DCBLD2: variants seen among roughly 807,000 people sequenced by gnomAD.
DCBLD2 encodes discoidin, CUB and LCCL domain containing 2.
DCBLD2 carries 54 observed loss-of-function variants against 86.8 expected under a neutral mutation model. The ratio of observed to expected loss-of-function variants is 0.62; its 90% CI spans 0.50 to 0.78. The LOEUF is 0.78. Among genes scored for constraint, DCBLD2 ranks in the 30% least tolerant of loss-of-function variants. The pLI is 0.00. For synonymous variants in DCBLD2, 354 were observed against 341.3 expected, an observed-to-expected ratio of 1.04 and a Z score of -0.41; for missense variants, 908 against 954.2, an observed-to-expected ratio of 0.95 and a Z score of 0.64.
At chr3:98,901,084 G>A in intron 1 of DCBLD2, 38 bp downstream of exon 1, 3 of 1,537,304 alleles carry the variant, frequency 2.0e-6, no homozygotes, top group Non-Finnish European at 2.6e-6. Flanking sequence ...AGCCCCGACG[G>A]AGGTTCCCCC....
intron 2 of DCBLD2, among the ~76,000 whole-genome samples, chr3:98,853,091 C>T (rs1942870185): frequency 6.6e-6 from 1 of 152,138 alleles, no homozygotes; most frequent in South Asian, 2.1e-4. Flanking sequence ...CAGAATACAA[C>T]CAGGAATTTA....
intron 12 of DCBLD2, among the ~76,000 whole-genome samples, chr3:98,809,727 C>T (rs1001250238): frequency 2.6e-5 from 4 of 152,136 alleles, no homozygotes; most frequent in East Asian, 1.9e-4. Context: ...GCTGGTGCCA[C>T]GGGCCCCACT....
chr3:98,869,526 T>C (rs1943220547), intron 2 of DCBLD2, among the ~76,000 whole-genome samples: 1 of 152,202 alleles, frequency 6.6e-6, no homozygotes, highest in Non-Finnish European at 1.5e-5. Flanking sequence ...ATCCAGAATT[T>C]TTCCTAGGGC....
At chr3:98,822,464 T>C in intron 5 of DCBLD2, 103 bp from the exon 6 acceptor site, 1 of 1,385,420 alleles carries the variant, frequency 7.2e-7, no homozygotes, top group Non-Finnish European at 9.7e-7. Flanking sequence ...GGCAGTTTCT[T>C]CATAAACTTC....
chr3:98,822,698 A>T lies in DCBLD2; in HGVS notation c.667T>A (p.Ser223Thr). 1 of 1,597,046 alleles carries T rather than the reference A, an allele frequency of 6.3e-7. No homozygotes were observed. The highest frequency in any genetic ancestry group is 1.7e-5 in the Admixed American group (1 of 57,658). Residue 223 changes from serine to threonine, a missense_variant, in exon 5 of 16, where the codon TCT (serine) becomes ACT (threonine). Transcript: ENST00000326840. ...AGCLLPFAEI[S>T]GTIPHGYRDS... ...CTATATCCATGAGGAATTGTTCCAG[A>T]TATCTCAGCAAAAGGAAGCAGACAA... is the stretch of plus-strand genomic sequence containing the variant.
intron 9 of DCBLD2, chr3:98,814,676 C>G (rs1941991012): frequency 2.0e-5 from 3 of 152,164 alleles, no homozygotes; most frequent in African/African-American, 7.2e-5. Flanking sequence ...TGCACATGTG[C>G]AGGCTCAGAA....
intron 2 of DCBLD2, among the ~76,000 whole-genome samples, chr3:98,862,866 G>T: frequency 6.6e-6 from 1 of 152,140 alleles, no homozygotes; most frequent in Non-Finnish European, 1.5e-5. Context: ...GGAAGTTCTG[G>T]CCAGGGCAAT....
intron 1 of DCBLD2, chr3:98,895,511 T>A (rs182844981): frequency 1.3e-5 from 2 of 152,334 alleles, no homozygotes; most frequent in East Asian, 3.9e-4. Context: ...TATAATCTTA[T>A]GATCTTACTC....
Position 98,901,404 on chromosome 3 carries a change from G to A in DCBLD2, c.-78C>T. The A allele has an allele frequency of 8.0e-7, 1 of 1,244,516 alleles. No homozygotes were observed. The highest frequency in any genetic ancestry group is 1.0e-6 in the Non-Finnish European group (1 of 995,086). 77.1% of individuals were successfully genotyped at this position (1,244,516 alleles called of 1,614,324 possible). A position where few individuals can be genotyped will look rare whatever the true frequency, so the allele number is the denominator to read the frequency against. On this transcript the variant is annotated 5_prime_UTR_variant, in exon 1 of 16. Transcript: ENST00000326840. ...CGCCTCTGGCCGCGGCACCCGACCAGGAGACGGCGGCAGCGGCGGGAGAAC... is the reference window on the plus strand; with the variant it reads ...CGCCTCTGGCCGCGGCACCCGACCAAGAGACGGCGGCAGCGGCGGGAGAAC...
chr3:98,816,433 T>C (rs1306515980), intron 9 of DCBLD2: 2 of 152,174 alleles, frequency 1.3e-5, no homozygotes, highest in Non-Finnish European at 2.9e-5. Flanking sequence ...GCAAAATAAA[T>C]GTGATACAAA....
Position 98,822,501 on chromosome 3 carries a change from G to A in DCBLD2, c.697-140C>T. 12 of 1,284,708 alleles carry A rather than the reference G, an allele frequency of 9.3e-6. No homozygotes were observed. In the South Asian group the frequency reaches 1.3e-4, roughly 14 times the overall value. 79.6% of individuals were successfully genotyped at this position (1,284,708 alleles called of 1,614,324 possible). A position where few individuals can be genotyped will look rare whatever the true frequency, so the allele number is the denominator to read the frequency against. ...TAAACAAAAATAGATTATTGGTACT[G>A]TAACACAACAGTTTTAGCAGAAGAA... On this transcript the variant is annotated intron_variant, in intron 5 of 15. Coordinates refer to ENST00000326840, the MANE Select transcript of DCBLD2 (RefSeq NM_080927.4).
intron 12 of DCBLD2, among the ~76,000 whole-genome samples, chr3:98,809,210 T>C (rs1941890687): frequency 6.6e-6 from 1 of 152,122 alleles, no homozygotes; most frequent in Non-Finnish European, 1.5e-5. Context: ...CTAAGGTCAC[T>C]TGGGATATTA....
intron 3 of DCBLD2, among the ~76,000 whole-genome samples, chr3:98,833,269 T>C (rs961152729): frequency 3.9e-5 from 6 of 152,232 alleles, no homozygotes; most frequent in African/African-American, 7.2e-5. Flanking sequence ...AGTGTGTTTT[T>C]CAGCTCTATC....
At chr3:98,878,287 A>G (rs1943404208) in intron 2 of DCBLD2, among the ~76,000 whole-genome samples, 2 of 152,192 alleles carry the variant, frequency 1.3e-5, no homozygotes, top group Admixed American at 1.3e-4. Context: ...ATGTGCCATG[A>G]TATGATACAC....
In DCBLD2 at chr3:98,797,538, C is replaced by T. The variant is rs1410798813; in HGVS notation, c.*1834G>A. On this transcript the variant is annotated 3_prime_UTR_variant, in exon 16 of 16. Coordinates refer to ENST00000326840, the MANE Select transcript of DCBLD2 (RefSeq NM_080927.4). ...ACTGCATTAATATATGTGCTTTCCA[C>T]ATCCATATATGTTTTAATAAAAGTC... 1 of 152,500 alleles carries T rather than the reference C, an allele frequency of 6.6e-6. No individual in the cohort carries two copies. The highest frequency in any genetic ancestry group is 2.4e-5 in the African/African-American group (1 of 41,442). 9.4% of individuals were successfully genotyped at this position (152,500 alleles called of 1,614,324 possible). A position where few individuals can be genotyped will look rare whatever the true frequency, so the allele number is the denominator to read the frequency against.
chr3:98,812,292 A>C, intron 10 of DCBLD2, 40 bp downstream of exon 10: 1 of 1,603,916 alleles, frequency 6.2e-7, no homozygotes. Context: ...TTAAATTGGC[A>C]ATCCAGTAAA....
intron 3 of DCBLD2, among the ~76,000 whole-genome samples, chr3:98,847,122 G>A (rs1278213485): frequency 6.6e-6 from 1 of 152,122 alleles, no homozygotes; most frequent in Admixed American, 6.5e-5. Flanking sequence ...TCTTTTGGTG[G>A]TAGGGGTGGG....
intron 1 of DCBLD2, among the ~76,000 whole-genome samples, chr3:98,893,192 T>C (rs1293685151): frequency 6.6e-6 from 1 of 152,166 alleles, no homozygotes; most frequent in African/African-American, 2.4e-5. Context: ...TATTGATTCA[T>C]TCATTGAACA....
intron 13 of DCBLD2, among the ~76,000 whole-genome samples, chr3:98,805,277 A>G (rs1024105086): frequency 1.3e-5 from 2 of 152,218 alleles, no homozygotes; most frequent in African/African-American, 4.8e-5. Context: ...GATGTTAATG[A>G]AACACTTGAA....
Sources: allele counts gnomAD v4.1 joint callset (sites outside exome capture counted in the v4.1 genomes callset), GRCh38; gene constraint gnomAD v4.1.1; transcripts MANE v1.5; gene names NCBI Gene and HGNC (gene_info 2026-07-23, HGNC 2026-07-21).